KRR1: variants seen among roughly 807,000 people sequenced by gnomAD.
The protein encoded by KRR1 is KRR1 small subunit processome component homolog.
In KRR1, 23 loss-of-function variants were observed where a neutral mutation model predicts 50.0. The observed-to-expected ratio is 0.46, with a 90% CI of 0.33 to 0.65. The LOEUF is 0.65. Among genes scored for constraint, KRR1 ranks in the 30% least tolerant of loss-of-function variants. The pLI is 0.02. For synonymous variants in KRR1, 133 were observed against 146.3 expected (o/e 0.91, Z 0.66); for missense variants, 419 against 442.4 (o/e 0.95, Z 0.47).
rs752516203 is a variant in KRR1, at chr12:75,508,475, C to T, written c.86-29G>A. The T allele has an allele frequency of 5.8e-6, 9 of 1,540,116 alleles. No individual in the cohort carries two copies. The Admixed American group carries it at 1.4e-4, about 24-fold the overall frequency. ...CAGAAAGGAAAAAATTTACACATCA[C>T]ATTTTAACTGTCTTTTGGACATACA... On this transcript the variant is annotated intron_variant, in intron 1 of 9. Coordinates refer to ENST00000229214, the MANE Select transcript of KRR1 (RefSeq NM_007043.7).
rs899174461 is a variant in KRR1, at chr12:75,491,094, A to G, written c.*8715T>C. The G allele has an allele frequency of 2.0e-5, 3 of 152,196 alleles. No individual in the cohort carries two copies. The highest frequency in any genetic ancestry group is 7.2e-5 in the African/African-American group (3 of 41,448). 9.4% of individuals were successfully genotyped at this position (152,196 alleles called of 1,614,324 possible). A position where few individuals can be genotyped will look rare whatever the true frequency, so the allele number is the denominator to read the frequency against. ...AAATCTGATCATACTGAAAATATAC[A>G]TTTTCTATTTTTCACTTAAAATTAT... On this transcript the variant is annotated 3_prime_UTR_variant, in exon 10 of 10. Transcript: ENST00000229214.
At chr12:75,505,290 G>C (rs759598601) in intron 5 of KRR1, 36 bp from the exon 6 acceptor site, 37 of 1,551,638 alleles carry the variant, frequency 2.4e-5, no homozygotes, top group Non-Finnish European at 2.8e-5. Flanking sequence ...TAGTCACAAG[G>C]ATTTTAATGA....
intron 1 of KRR1, 29 bp downstream of exon 1, chr12:75,511,484 C>G (rs1450938738): frequency 6.3e-6 from 10 of 1,593,564 alleles, no homozygotes; most frequent in Non-Finnish European, 8.6e-6. Context: ...GTACACAAAC[C>G]CCAGGCTTCG....
At position 75,494,205 on chromosome 12, in the gene KRR1, G is replaced by GA. The variant is rs2046337922; in HGVS notation, c.*5603dup. 6.6e-6 allele frequency: 1 copy of GA among 152,190 alleles called. No homozygotes were observed. Among genetic ancestry groups the GA allele is most frequent in the Admixed American group, 6.5e-5 (1 of 15,286 alleles). The allele number at this position is 152,190 out of a possible 1,614,324, so 9.4% of individuals were successfully genotyped here. Reference sequence around the variant, plus strand: ...CGTTATAAAGTTGTGTGTCTAAGGTGAGAGTTCTCAACTTTGGAGGTAATT... The same window carrying GA: ...CGTTATAAAGTTGTGTGTCTAAGGTGAAGAGTTCTCAACTTTGGAGGTAATT... On this transcript the variant is annotated 3_prime_UTR_variant, in exon 10 of 10. Coordinates refer to ENST00000229214, the MANE Select transcript of KRR1 (RefSeq NM_007043.7).
rs1479840280 is a variant in KRR1, at chr12:75,493,711, G to C, written c.*6098C>G. On this transcript the variant is annotated 3_prime_UTR_variant, in exon 10 of 10. Coordinates refer to ENST00000229214, the MANE Select transcript of KRR1 (RefSeq NM_007043.7). ...CCCTCTTCTCTCTCAGGCTACCAGG[G>C]AAAACATTGAAATGTCCTGTTGCTT... 1 of 152,108 alleles carries C rather than the reference G, an allele frequency of 6.6e-6. No homozygotes were observed. Among genetic ancestry groups the C allele is most frequent in the African/African-American group, 2.4e-5 (1 of 41,408 alleles). The allele number at this position is 152,108 out of a possible 1,614,324, so 9.4% of individuals were successfully genotyped here.
In KRR1 at chr12:75,499,898, C is replaced by G; in HGVS notation, c.1057G>C (p.Ala353Pro). 1 of 1,609,044 alleles carries G rather than the reference C, an allele frequency of 6.2e-7. No homozygotes were observed. The highest frequency in any genetic ancestry group is 8.5e-7 in the Non-Finnish European group (1 of 1,177,794). Residue 353 changes from alanine (A) to proline (P), a missense_variant, in exon 10 of 10, where the codon GCA becomes CCA. Ala to Pro is a conservative substitution (Grantham distance 27). Transcript: ENST00000229214. ...AGAGCTCCCAGTTTCTTATTCTTTG[C>G]TTTCTTAACCTTTTCCTTGATGCTG... ...VASIKEKVKK[A>P]KNKKLGALTA...
intron 7 of KRR1, 106 bp from the exon 8 acceptor site, chr12:75,502,106 A>C: frequency 1.2e-6 from 1 of 844,204 alleles, no homozygotes; most frequent in East Asian, 2.5e-5. Context: ...GGTCAAACTG[A>C]TTTATTAATA....
chr12:75,499,118 G>GAAGA lies in KRR1; in HGVS notation c.*687_*690dup, dbSNP rs2046372202. 9 of 501,588 alleles carry GAAGA rather than the reference G, an allele frequency of 1.8e-5. No individual in the cohort carries two copies. The East Asian group carries it at 3.0e-4, about 17-fold the overall frequency. 31.1% of individuals were successfully genotyped at this position (501,588 alleles called of 1,614,324 possible). ...GTTATAGCAATACTCTTACTCAAAAGAAGAAATTTCCTAACTCTATCAGAT... is the reference window on the plus strand; with the variant it reads ...GTTATAGCAATACTCTTACTCAAAAGAAGAAAGAAATTTCCTAACTCTATCAGAT... On this transcript the variant is annotated 3_prime_UTR_variant, in exon 10 of 10. Coordinates refer to ENST00000229214, the MANE Select transcript of KRR1 (RefSeq NM_007043.7).
Position 75,495,639 on chromosome 12 carries a change from A to T in KRR1, c.*4170T>A, listed in dbSNP as rs1410672523. 1.2e-6 allele frequency: 2 copies of T among 1,608,634 alleles called. No homozygotes were observed. Among genetic ancestry groups the T allele is most frequent in the Admixed American group, 3.3e-5 (2 of 59,976 alleles). ...ACCTGCAGTGCCTGCCCCAATAATG[A>T]CAAGTGTTTGGACAATCTCTGTGGT... is the stretch of plus-strand genomic sequence containing the variant. On this transcript the variant is annotated 3_prime_UTR_variant, in exon 10 of 10. Transcript: ENST00000229214.
At chr12:75,505,620 G>T (rs992513839) in intron 5 of KRR1, among the ~76,000 whole-genome samples, 1 of 151,964 alleles carries the variant, frequency 6.6e-6, no homozygotes, top group Non-Finnish European at 1.5e-5. Context: ...TATACCTCAA[G>T]ACTCTCTTGT....
intron 1 of KRR1, 27 bp downstream of exon 1, chr12:75,511,486 C>A: frequency 6.2e-7 from 1 of 1,600,834 alleles, no homozygotes; most frequent in African/African-American, 1.3e-5. Context: ...ACACAAACCC[C>A]AGGCTTCGGT....
rs754204424 is a variant in KRR1 at position 75,497,230 on chromosome 12, G to A, written c.*2579C>T. On this transcript the variant is annotated 3_prime_UTR_variant, in exon 10 of 10. Coordinates refer to ENST00000229214, the MANE Select transcript of KRR1 (RefSeq NM_007043.7). ...TTCCCTTTAAAAATCTAGGCAATTA[G>A]TAACACTACCACCACCACAATGACA... 1 of 152,056 alleles carries A rather than the reference G, an allele frequency of 6.6e-6. No individual in the cohort carries two copies. Among genetic ancestry groups the A allele is most frequent in the Non-Finnish European group, 1.5e-5 (1 of 68,010 alleles). The allele number at this position is 152,056 out of a possible 1,614,324, so 9.4% of individuals were successfully genotyped here.
intron 1 of KRR1, among the ~76,000 whole-genome samples, chr12:75,509,685 C>G (rs560836514): frequency 6.8e-4 from 103 of 151,044 alleles, no homozygotes; most frequent in African/African-American, 2.0e-3. Flanking sequence ...ACCTCCTGGA[C>G]TCAAGCGATC....
At chr12:75,508,872 GATGT>G (rs2046434291) in intron 1 of KRR1, among the ~76,000 whole-genome samples, 1 of 152,152 alleles carries the variant, frequency 6.6e-6, no homozygotes, top group Non-Finnish European at 1.5e-5. Context: ...ATGGAATCTG[GATGT>G]ATGTGTTTGT....
chr12:75,502,838 G>A (rs983503923), intron 7 of KRR1: 5 of 152,032 alleles, frequency 3.3e-5, no homozygotes, highest in Non-Finnish European at 5.9e-5. Context: ...CAGGTGTTAT[G>A]GAAGCATGGT....
intron 7 of KRR1, chr12:75,502,535 A>G (rs895348564): frequency 1.3e-5 from 2 of 152,914 alleles, no homozygotes; most frequent in African/African-American, 4.8e-5. Flanking sequence ...TAAAATGTGT[A>G]TAACTGACCT....
chr12:75,508,558 A>G, intron 1 of KRR1, 112 bp from the exon 2 acceptor site: 1 of 657,568 alleles, frequency 1.5e-6, no homozygotes, highest in Non-Finnish European at 2.4e-6. Context: ...CATATTCACA[A>G]ACCTTCCAAT....
At chr12:75,509,725 T>C (rs903975892) in intron 1 of KRR1, among the ~76,000 whole-genome samples, 5 of 151,794 alleles carry the variant, frequency 3.3e-5, no homozygotes, top group Non-Finnish European at 7.4e-5. Flanking sequence ...CACAAGTAGC[T>C]GGTACTACAG....
At chr12:75,506,199 G>T in intron 5 of KRR1, 117 bp downstream of exon 5, 1 of 633,532 alleles carries the variant, frequency 1.6e-6, no homozygotes. Flanking sequence ...TTACTAATGG[G>T]AAATCAAAGC....
Sources: allele counts gnomAD v4.1 joint callset (sites outside exome capture counted in the v4.1 genomes callset), GRCh38; gene constraint gnomAD v4.1.1; transcripts MANE v1.5; gene names NCBI Gene and HGNC (gene_info 2026-07-23, HGNC 2026-07-21).